Variants in POU6F2 observed in about 807,000 individuals in gnomAD.
The protein encoded by POU6F2 is POU domain, class 6, transcription factor 2.
POU6F2 carries 31 observed loss-of-function variants against 71.3 expected under a neutral mutation model. The ratio of observed to expected loss-of-function variants is 0.43; its 90% CI spans 0.33 to 0.59. The LOEUF is 0.59. POU6F2 is among the 20% of genes least tolerant of loss of function. The probability of loss-of-function intolerance (pLI) is 0.04; values close to 1 mark genes in which losing one functional copy is unlikely to be tolerated. For synonymous variants in POU6F2, 347 were observed against 355.7 expected, an observed-to-expected ratio of 0.98 and a Z score of 0.27; for missense variants, 783 against 856.8, an observed-to-expected ratio of 0.91 and a Z score of 1.07.
intron 1 of POU6F2, among the ~76,000 whole-genome samples, chr7:39,011,667 G>A (rs1316972784): frequency 5.3e-5 from 8 of 150,946 alleles, no homozygotes; most frequent in Non-Finnish European, 1.2e-4. Context: ...GGTACCGGTT[G>A]TTCCTTTCCA....
intron 5 of POU6F2, among the ~76,000 whole-genome samples, chr7:39,362,567 T>A (rs1255880252): frequency 6.6e-6 from 1 of 152,210 alleles, no homozygotes; most frequent in African/African-American, 2.4e-5. Context: ...ATCATTTTAG[T>A]CTTATGAGTC....
intron 3 of POU6F2, among the ~76,000 whole-genome samples, chr7:39,206,393 A>T (rs1794012623): frequency 6.6e-6 from 1 of 152,192 alleles, no homozygotes; most frequent in Non-Finnish European, 1.5e-5. Context: ...TCCATAGTGG[A>T]TGTAAACATG....
intron 4 of POU6F2, among the ~76,000 whole-genome samples, chr7:39,338,662 C>T (rs1785837713): frequency 6.6e-6 from 1 of 152,154 alleles, no homozygotes; most frequent in African/African-American, 2.4e-5. Context: ...TTTATTTGTT[C>T]ATGGGCTTGT....
intron 2 of POU6F2, among the ~76,000 whole-genome samples, chr7:39,164,385 G>A (rs1345156339): frequency 7.5e-6 from 1 of 133,554 alleles, no homozygotes; most frequent in Admixed American, 7.2e-5. Context: ...GGAGGGACAG[G>A]GTGGCAGGGT....
At chr7:39,114,772 C>T (rs192038603) in intron 2 of POU6F2, among the ~76,000 whole-genome samples, 4 of 152,052 alleles carry the variant, frequency 2.6e-5, no homozygotes, top group African/African-American at 4.8e-5. Context: ...GTATTGTGAG[C>T]GCTTTGCTGC....
intron 2 of POU6F2, among the ~76,000 whole-genome samples, chr7:39,137,995 G>A (rs1272100835): frequency 1.3e-5 from 2 of 152,208 alleles, no homozygotes; most frequent in African/African-American, 2.4e-5. Context: ...GTGTCATCAT[G>A]TGTATTACAG....
intron 4 of POU6F2, among the ~76,000 whole-genome samples, chr7:39,236,324 G>T (rs560121713): frequency 9.2e-5 from 14 of 152,234 alleles, no homozygotes; most frequent in Non-Finnish European, 1.5e-5. Context: ...TAATATCATA[G>T]CACTTATATA....
chr7:39,335,352 A>G (rs777114276), intron 4 of POU6F2, among the ~76,000 whole-genome samples: 4 of 152,230 alleles, frequency 2.6e-5, no homozygotes, highest in Non-Finnish European at 4.4e-5. Flanking sequence ...ATTTGCCTGC[A>G]GTAGGACTGA....
intron 2 of POU6F2, among the ~76,000 whole-genome samples, chr7:39,197,721 TCAGA>T (rs1793816418): frequency 1.3e-5 from 2 of 152,220 alleles, no homozygotes; most frequent in Admixed American, 6.5e-5. Context: ...ATTTTAAAAA[TCAGA>T]CAAACTATTT....
intron 1 of POU6F2, among the ~76,000 whole-genome samples, chr7:39,005,429 G>A (rs1362486740): frequency 6.6e-6 from 1 of 150,408 alleles, no homozygotes; most frequent in African/African-American, 2.4e-5. Context: ...GGAAAACGGA[G>A]GCTTTTGTCT....
At chr7:39,457,060 A>G (rs1288222803) in intron 8 of POU6F2, among the ~76,000 whole-genome samples, 1 of 152,246 alleles carries the variant, frequency 6.6e-6, no homozygotes, top group Non-Finnish European at 1.5e-5. Context: ...TGTTATTGTC[A>G]GTGATCTGAC....
intron 7 of POU6F2, among the ~76,000 whole-genome samples, chr7:39,445,664 C>T (rs1788507623): frequency 6.6e-6 from 1 of 152,176 alleles, no homozygotes; most frequent in African/African-American, 2.4e-5. Context: ...GTATCATGTT[C>T]CAGGTCCTCC....
Position 39,177,812 on chromosome 7 carries a change from T to C in POU6F2, c.278-26423T>C, listed in dbSNP as rs189074704. On this transcript the variant is annotated intron_variant, in intron 2 of 9. Transcript: ENST00000518318. ...CATTTTAATATGAGAAGTTATTATA[T>C]TGATGCTACATTTTAAAATTAATGA... Among the ~76,000 whole-genome samples the C allele has an allele frequency of 1.8e-3, 267 of 152,388 alleles. 4 individuals are homozygous for C. Among genetic ancestry groups the C allele is most frequent in the African/African-American group, 6.1e-3 (254 of 41,596 alleles).
intron 1 of POU6F2, among the ~76,000 whole-genome samples, chr7:39,009,038 C>T (rs1389091648): frequency 6.6e-6 from 1 of 152,028 alleles, no homozygotes; most frequent in Admixed American, 6.6e-5. Flanking sequence ...ACTTTAAAGT[C>T]GTTTTTTCCA....
chr7:39,062,259 ATAT>A (rs1645599029), intron 1 of POU6F2, among the ~76,000 whole-genome samples: 3 of 152,134 alleles, frequency 2.0e-5, no homozygotes, highest in Admixed American at 2.0e-4. Flanking sequence ...TATTACAATA[ATAT>A]TATATTACCA....
chr7:39,437,962 ATACTTT>A (rs1788288855), intron 7 of POU6F2, among the ~76,000 whole-genome samples: 1 of 150,716 alleles, frequency 6.6e-6, no homozygotes, highest in Non-Finnish European at 1.5e-5. Context: ...TTTTATTATT[ATACTTT>A]AAGTTCTAGG....
intron 3 of POU6F2, among the ~76,000 whole-genome samples, chr7:39,205,966 G>C (rs7778249): frequency 0.83 from 126,613 of 152,204 alleles, 53,148 homozygotes; most frequent in East Asian, 1. Flanking sequence ...AACATGGGCT[G>C]TGGAGCAGCC....
At chr7:39,415,365 A>AGGCTCGTTT (rs1787650315) in intron 6 of POU6F2, among the ~76,000 whole-genome samples, 1 of 152,138 alleles carries the variant, frequency 6.6e-6, no homozygotes, top group East Asian at 1.9e-4. Context: ...TTTTCCTGGG[A>AGGCTCGTTT]ATTGGGAAAC....
chr7:39,286,904 A>C (rs1200964193), intron 4 of POU6F2, among the ~76,000 whole-genome samples: 1 of 150,450 alleles, frequency 6.6e-6, no homozygotes, highest in Non-Finnish European at 1.5e-5. Context: ...CTGGGATTAC[A>C]GGCATGAGCC....
Sources: allele counts gnomAD v4.1 joint callset (sites outside exome capture counted in the v4.1 genomes callset), GRCh38; gene constraint gnomAD v4.1.1; transcripts MANE v1.5; gene names NCBI Gene and HGNC (gene_info 2026-07-23, HGNC 2026-07-21).